The following KCNJ6 variants were observed in gnomAD, a reference collection of about 807,000 sequenced individuals.
The protein encoded by KCNJ6 is potassium inwardly rectifying channel subfamily J member 6.
KCNJ6 carries 9 observed loss-of-function variants against 34.2 expected under a neutral mutation model. The ratio of observed to expected loss-of-function variants is 0.26; its 90% CI spans 0.16 to 0.46. KCNJ6 has a LOEUF of 0.46. Among genes scored for constraint, KCNJ6 ranks in the 20% least tolerant of loss-of-function variants. KCNJ6 has a pLI of 1.00. For synonymous variants in KCNJ6, 196 were observed against 207.1 expected (o/e 0.95, Z 0.46); for missense variants, 236 against 531.3 (o/e 0.44, Z 5.46).
chr21:37,870,248 C>T (rs1403623353), intron 1 of KCNJ6, among the ~76,000 whole-genome samples: 2 of 142,818 alleles, frequency 1.4e-5, no homozygotes, highest in African/African-American at 5.2e-5. Flanking sequence ...AGCCACCTGG[C>T]CTGCTGAAAA....
chr21:37,653,200 T>G (rs1382860452), intron 3 of KCNJ6, among the ~76,000 whole-genome samples: 2 of 152,112 alleles, frequency 1.3e-5, no homozygotes, highest in African/African-American at 4.8e-5. Context: ...AAAAGGGAAT[T>G]AAGGAACTGT....
chr21:37,851,423 G>A (rs2055536780), intron 1 of KCNJ6, among the ~76,000 whole-genome samples: 1 of 152,202 alleles, frequency 6.6e-6, no homozygotes, highest in East Asian at 1.9e-4. Flanking sequence ...ATGTTCCTTT[G>A]AGAAATTCAA....
At chr21:37,772,066 T>G (rs1397211738) in intron 2 of KCNJ6, among the ~76,000 whole-genome samples, 1 of 152,202 alleles carries the variant, frequency 6.6e-6, no homozygotes, top group Non-Finnish European at 1.5e-5. Context: ...AATAAAATTA[T>G]CTCATCTGCA....
intron 1 of KCNJ6, among the ~76,000 whole-genome samples, chr21:37,849,007 T>C (rs1440429829): frequency 1.3e-5 from 2 of 152,160 alleles, no homozygotes; most frequent in Admixed American, 6.5e-5. Context: ...CCTGGAAATA[T>C]TGTAAAATAT....
chr21:37,900,267 CA>C (rs903376287), intron 1 of KCNJ6, among the ~76,000 whole-genome samples: 3 of 151,836 alleles, frequency 2.0e-5, no homozygotes, highest in South Asian at 2.1e-4. Flanking sequence ...TTTACAACAA[CA>C]AAAAAAGGGA....
intron 2 of KCNJ6, among the ~76,000 whole-genome samples, chr21:37,720,499 T>C (rs2054819364): frequency 6.6e-6 from 1 of 152,100 alleles, no homozygotes; most frequent in African/African-American, 2.4e-5. Context: ...CCAGGGGACC[T>C]TGAAGGAGGA....
chr21:37,720,697 CTTTTCT>C (rs1200504520), intron 2 of KCNJ6, among the ~76,000 whole-genome samples: 18 of 108,340 alleles, frequency 1.7e-4, no homozygotes, highest in South Asian at 7.2e-4. Flanking sequence ...AAAACATTTT[CTTTTCT>C]TTTTTTTTTT....
chr21:37,812,689 G>A (rs1196986609), intron 2 of KCNJ6, among the ~76,000 whole-genome samples: 1 of 152,144 alleles, frequency 6.6e-6, no homozygotes, highest in Non-Finnish European at 1.5e-5. Flanking sequence ...AATTGAGGCT[G>A]AGAAAAAATT....
chr21:37,680,359 C>T (rs1224918745), intron 3 of KCNJ6, among the ~76,000 whole-genome samples: 6 of 152,174 alleles, frequency 3.9e-5, no homozygotes, highest in Non-Finnish European at 7.3e-5. Flanking sequence ...AGGATCTTCA[C>T]TCCTCGAGCT....
At chr21:37,808,652 G>C (rs1253231154) in intron 2 of KCNJ6, among the ~76,000 whole-genome samples, 1 of 152,150 alleles carries the variant, frequency 6.6e-6, no homozygotes, top group Non-Finnish European at 1.5e-5. Flanking sequence ...ATTTTCAAGG[G>C]CTAAGATTAT....
chr21:37,873,951 GA>G (rs1794023637), intron 1 of KCNJ6, among the ~76,000 whole-genome samples: 2 of 152,104 alleles, frequency 1.3e-5, no homozygotes, highest in South Asian at 4.1e-4. Context: ...ACCCTGCAAA[GA>G]AAACTGCGTC....
chr21:37,649,498 A>T (rs2123385835), intron 3 of KCNJ6, among the ~76,000 whole-genome samples: 1 of 152,338 alleles, frequency 6.6e-6, no homozygotes, highest in South Asian at 2.1e-4. Context: ...GACGAAACCC[A>T]GGAGACAGGG....
intron 2 of KCNJ6, among the ~76,000 whole-genome samples, chr21:37,731,474 T>A (rs2054885035): frequency 6.6e-6 from 1 of 152,224 alleles, no homozygotes. Flanking sequence ...ACACCTACTA[T>A]GTGCCGGCAT....
chr21:37,835,028 G>A (rs1163967819), intron 2 of KCNJ6, among the ~76,000 whole-genome samples: 6 of 152,182 alleles, frequency 3.9e-5, no homozygotes, highest in Non-Finnish European at 1.5e-5. Flanking sequence ...GGGTAGAATG[G>A]CTCATGACAA....
chr21:37,884,289 G>C lies in KCNJ6; in HGVS notation c.-28+31595C>G, dbSNP rs190000703. On this transcript the variant is annotated intron_variant, in intron 1 of 3. Transcript: ENST00000609713. ...CAATGGCAGTGCCTTCTGCAGCTTA[G>C]AGGGAGGCACAGGTGTTCACCTTGT... Among the ~76,000 whole-genome samples the C allele has an allele frequency of 1.2e-3, 186 of 152,284 alleles. 1 individual carries two copies. The highest frequency in any genetic ancestry group is 7.7e-3 in the South Asian group (37 of 4,826).
At chr21:37,866,063 T>G (rs1244274327) in intron 1 of KCNJ6, among the ~76,000 whole-genome samples, 2 of 152,194 alleles carry the variant, frequency 1.3e-5, no homozygotes, top group Admixed American at 6.5e-5. Context: ...TGGTTGACTT[T>G]AAATTAAGGG....
chr21:37,904,488 A>G (rs959121777), intron 1 of KCNJ6, among the ~76,000 whole-genome samples: 2 of 152,206 alleles, frequency 1.3e-5, no homozygotes, highest in African/African-American at 4.8e-5. Context: ...GTCTTGAAAA[A>G]AAATTATCTT....
At chr21:37,697,884 A>G (rs140972185) in intron 3 of KCNJ6, among the ~76,000 whole-genome samples, 1 of 152,328 alleles carries the variant, frequency 6.6e-6, no homozygotes, top group East Asian at 1.9e-4. Context: ...GAGTTTGCAC[A>G]AAGAGAGTCT....
At chr21:37,697,096 C>T (rs1430516044) in intron 3 of KCNJ6, among the ~76,000 whole-genome samples, 2 of 152,198 alleles carry the variant, frequency 1.3e-5, no homozygotes, top group African/African-American at 4.8e-5. Flanking sequence ...CTGTGGTCTT[C>T]ATGTGCTCAG....
Sources: allele counts gnomAD v4.1 joint callset (sites outside exome capture counted in the v4.1 genomes callset), GRCh38; gene constraint gnomAD v4.1.1; transcripts MANE v1.5; gene names NCBI Gene and HGNC (gene_info 2026-07-23, HGNC 2026-07-21).